CNOT7: variants seen among roughly 807,000 people sequenced by gnomAD.
CNOT7 encodes the protein CCR4-NOT transcription complex subunit 7, also known as BTG1-binding factor 1.
Under a neutral mutation model 37.1 loss-of-function variants are expected in CNOT7, and 4 were observed. The ratio of observed to expected loss-of-function variants is 0.11; its 90% CI spans 0.05 to 0.25. The LOEUF (loss-of-function observed/expected upper bound fraction) is 0.25, where lower values mean the gene tolerates loss of function less well. CNOT7 is among the 10% of genes least tolerant of loss of function. The pLI is 1.00. For missense variants in CNOT7, 170 were observed against 336.2 expected (o/e 0.51, Z 3.87); for synonymous variants, 128 against 115.6 (o/e 1.11, Z -0.69).
At position 17,226,855 on chromosome 8, in the gene CNOT7, CAG is replaced by C. The variant is rs1388372387; in HGVS notation, c.*3863_*3864del. 1 of 151,658 alleles carries C rather than the reference CAG, an allele frequency of 6.6e-6. No homozygotes were observed. 9.4% of individuals were successfully genotyped at this position (151,658 alleles called of 1,614,324 possible). ...GCAAAAGTTAATTTCCAAAGTTACT[CAG>C]TGTTAAAAAACAGTGGTTGAGGATG... On this transcript the variant is annotated 3_prime_UTR_variant, in exon 7 of 7. Coordinates refer to ENST00000361272, the MANE Select transcript of CNOT7 (RefSeq NM_013354.7).
chr8:17,240,932 CTT>C (rs1191547018), intron 3 of CNOT7, among the ~76,000 whole-genome samples: 1 of 152,126 alleles, frequency 6.6e-6, no homozygotes, highest in Non-Finnish European at 1.5e-5. Context: ...AATAAACTAA[CTT>C]AAACAACAAC....
At chr8:17,237,061 A>C (rs1010958931) in intron 4 of CNOT7, 151 bp downstream of exon 4, 6 of 710,732 alleles carry the variant, frequency 8.4e-6, no homozygotes, top group African/African-American at 3.6e-5. Context: ...AAGCAGACCA[A>C]CATTAGCCTC....
In CNOT7 at chr8:17,230,568, C is replaced by T. The variant is rs557553109; in HGVS notation, c.*152G>A. 136 of 458,718 alleles carry T rather than the reference C, an allele frequency of 3.0e-4. No homozygotes were observed. Among genetic ancestry groups the T allele is most frequent in the African/African-American group, 2.3e-3 (109 of 48,396 alleles). The allele number at this position is 458,718 out of a possible 1,614,324, so 28.4% of individuals were successfully genotyped here. ...TTTTTATTAAGATCTGAGATAGGAA[C>T]GGTCATACTTAGTACTGAAAGGCAG... is the stretch of plus-strand genomic sequence containing the variant. On this transcript the variant is annotated 3_prime_UTR_variant, in exon 7 of 7. Coordinates refer to ENST00000361272, the MANE Select transcript of CNOT7 (RefSeq NM_013354.7).
At chr8:17,242,708 T>C (rs1001780270) in intron 3 of CNOT7, 3 of 238,400 alleles carry the variant, frequency 1.3e-5, no homozygotes, top group African/African-American at 6.7e-5. Context: ...AAAGTAAAAC[T>C]AATGTAGGAT....
At chr8:17,243,417 G>A (rs1050370538) in intron 2 of CNOT7, 3 of 639,046 alleles carry the variant, frequency 4.7e-6, no homozygotes, top group Non-Finnish European at 8.6e-6. Context: ...CGAGATACAT[G>A]TGATAAATTT....
At chr8:17,242,225 T>C (rs1810276867) in intron 3 of CNOT7, 1 of 152,192 alleles carries the variant, frequency 6.6e-6, no homozygotes, top group Non-Finnish European at 1.5e-5. Flanking sequence ...TTATGAAGGT[T>C]ACCATGAAAC....
chr8:17,230,632 G>A lies in CNOT7; in HGVS notation c.*88C>T. The A allele has an allele frequency of 8.6e-7, 1 of 1,165,362 alleles. No individual in the cohort carries two copies. The highest frequency in any genetic ancestry group is 1.2e-6 in the Non-Finnish European group (1 of 849,316). 72.2% of individuals were successfully genotyped at this position (1,165,362 alleles called of 1,614,324 possible). ...CCATGAAAGGGGGGGGAAAGGTACT[G>A]TCTATTGTTCGAGGGATTCAACCAG... On this transcript the variant is annotated 3_prime_UTR_variant, in exon 7 of 7. Coordinates refer to ENST00000361272, the MANE Select transcript of CNOT7 (RefSeq NM_013354.7).
chr8:17,237,169 T>G (rs1809485984), intron 4 of CNOT7, 43 bp downstream of exon 4: 1 of 1,593,384 alleles, frequency 6.3e-7, no homozygotes, highest in Non-Finnish European at 8.6e-7. Flanking sequence ...GGAGCAAGTA[T>G]GAGATGGAAA....
In CNOT7 at chr8:17,228,823, A is replaced by G. The variant is rs1172180633; in HGVS notation, c.*1897T>C. 6.6e-6 allele frequency: 1 copy of G among 152,012 alleles called. No homozygotes were observed. Among genetic ancestry groups the G allele is most frequent in the Non-Finnish European group, 1.5e-5 (1 of 67,880 alleles). The allele number at this position is 152,012 out of a possible 1,614,324, so 9.4% of individuals were successfully genotyped here. On this transcript the variant is annotated 3_prime_UTR_variant, in exon 7 of 7. Transcript: ENST00000361272. ...TCAAATAGTTGAACAGAATTTAAAT[A>G]TTAGTTTTCTCAGCTAACAAATCAC...
In CNOT7 at chr8:17,232,129, G is replaced by A. The variant is rs925376079; in HGVS notation, c.729+298C>T. On this transcript the variant is annotated intron_variant, in intron 6 of 6. Coordinates refer to ENST00000361272, the MANE Select transcript of CNOT7 (RefSeq NM_013354.7). ...ACTAGTAATGTGTTTAATCATGGAA[G>A]TTATTAGCCTGTTTTCTCACCTGAG... The A allele has an allele frequency of 2.8e-5, 30 of 1,064,372 alleles. No individual in the cohort carries two copies. In the African/African-American group the frequency reaches 4.0e-4, roughly 14 times the overall value. 65.9% of individuals were successfully genotyped at this position (1,064,372 alleles called of 1,614,324 possible).
intron 6 of CNOT7, chr8:17,231,948 A>C (rs1808689222): frequency 1.0e-6 from 1 of 987,518 alleles, no homozygotes; most frequent in Admixed American, 6.1e-5. Context: ...TCTCTATAAA[A>C]TCTTCAAAGC....
chr8:17,238,846 T>C (rs905884272), intron 3 of CNOT7, among the ~76,000 whole-genome samples: 4 of 152,312 alleles, frequency 2.6e-5, no homozygotes, highest in East Asian at 1.9e-4. Context: ...CATCTACGTA[T>C]GTGAAGATCT....
intron 5 of CNOT7, among the ~76,000 whole-genome samples, chr8:17,233,399 A>G (rs970486483): frequency 6.6e-6 from 1 of 152,168 alleles, no homozygotes; most frequent in African/African-American, 2.4e-5. Context: ...TGCTTAGGAG[A>G]ACAGAACTAG....
chr8:17,231,746 A>T, intron 6 of CNOT7: 1 of 985,482 alleles, frequency 1.0e-6, no homozygotes, highest in Non-Finnish European at 1.2e-6. Flanking sequence ...TTAGGAGTAG[A>T]TAATGGGTTC....
chr8:17,240,577 G>C (rs910160732), intron 3 of CNOT7, among the ~76,000 whole-genome samples: 9 of 152,146 alleles, frequency 5.9e-5, no homozygotes, highest in Non-Finnish European at 4.4e-5. Flanking sequence ...CTCGAACAAA[G>C]GTGTTTCTAG....
chr8:17,238,532 G>A (rs1809694524), intron 3 of CNOT7, among the ~76,000 whole-genome samples: 1 of 143,156 alleles, frequency 7.0e-6, no homozygotes. Context: ...TTTTTCCAGT[G>A]AAACCACAGC....
chr8:17,235,035 G>A (rs1809158475), intron 4 of CNOT7, among the ~76,000 whole-genome samples, 175 bp from the exon 5 acceptor site: 1 of 152,120 alleles, frequency 6.6e-6, no homozygotes, highest in Non-Finnish European at 1.5e-5. Flanking sequence ...ATGAGAAAAT[G>A]TCGTCATCTT....
At chr8:17,233,903 T>C (rs1282262528) in intron 5 of CNOT7, among the ~76,000 whole-genome samples, 2 of 152,000 alleles carry the variant, frequency 1.3e-5, no homozygotes, top group Non-Finnish European at 2.9e-5. Context: ...AAATACGAAA[T>C]TTAGCTGGGT....
intron 3 of CNOT7, chr8:17,242,123 A>C (rs1440214671): frequency 6.6e-6 from 1 of 152,108 alleles, no homozygotes; most frequent in East Asian, 1.9e-4. Flanking sequence ...ATGTGGGAGG[A>C]AATCAGAGGA....
Sources: allele counts gnomAD v4.1 joint callset (sites outside exome capture counted in the v4.1 genomes callset), GRCh38; gene constraint gnomAD v4.1.1; transcripts MANE v1.5; gene names NCBI Gene and HGNC (gene_info 2026-07-23, HGNC 2026-07-21).